Variants in MAPRE3 observed in about 807,000 individuals in gnomAD.
The protein encoded by MAPRE3 is microtubule-associated protein RP/EB family member 3.
In MAPRE3, 2 loss-of-function variants were observed where a neutral mutation model predicts 30.5. That is an observed-to-expected ratio of 0.07 (90% CI 0.03 to 0.21). The LOEUF (loss-of-function observed/expected upper bound fraction) is 0.21, where lower values mean the gene tolerates loss of function less well. Ranked by LOEUF, MAPRE3 falls within the 10% of genes least tolerant of loss-of-function variation. The pLI is 1.00. For synonymous variants in MAPRE3, 110 were observed against 127.7 expected (o/e 0.86, Z 0.93); for missense variants, 204 against 351.8 (o/e 0.58, Z 3.36).
At chr2:27,023,613 G>A in intron 3 of MAPRE3, 136 bp downstream of exon 3, 1 of 1,049,504 alleles carries the variant, frequency 9.5e-7, no homozygotes, top group Non-Finnish European at 1.4e-6. Context: ...ACTCTCCAGA[G>A]GGAATTTTCC....
chr2:26,971,326 C>G (rs1354397999), intron 1 of MAPRE3, among the ~76,000 whole-genome samples: 2 of 152,250 alleles, frequency 1.3e-5, no homozygotes, highest in Non-Finnish European at 2.9e-5. Context: ...TCCTGCCTGG[C>G]TGGTTTGGGG....
intron 1 of MAPRE3, among the ~76,000 whole-genome samples, chr2:27,007,496 T>C (rs1377975123): frequency 1.3e-5 from 2 of 152,240 alleles, no homozygotes; most frequent in Non-Finnish European, 2.9e-5. Flanking sequence ...GAACTTTATT[T>C]TGACAATATT....
Position 26,986,796 on chromosome 2 carries a change from ACAG to A in MAPRE3, c.-8+15998_-8+16000del, listed in dbSNP as rs1293408627. The stretch of plus-strand genomic sequence containing the variant: ...CTGGAGAAGATCCAGAGGATGAATC[ACAG>A]CAGTAGACATGGTATGGGGATTAGA... On this transcript the variant is annotated intron_variant, in intron 1 of 6. Transcript: ENST00000233121. The surrounding 1 kb of genome is among the most constrained non-coding windows in gnomAD (Gnocchi z 4.2). The A allele has an allele frequency of 1.3e-5, 2 of 152,288 alleles. No homozygotes were observed. Among genetic ancestry groups the A allele is most frequent in the African/African-American group, 4.8e-5 (2 of 41,446 alleles). The allele number at this position is 152,288 out of a possible 1,614,324, so 9.4% of individuals were successfully genotyped here. A position where few individuals can be genotyped will look rare whatever the true frequency, so the allele number is the denominator to read the frequency against.
intron 1 of MAPRE3, among the ~76,000 whole-genome samples, chr2:27,005,461 C>T (rs1666704384): frequency 6.6e-6 from 1 of 152,218 alleles, no homozygotes; most frequent in Admixed American, 6.5e-5. Context: ...ACCTCTCTCA[C>T]ATCTCATAGT....
intron 1 of MAPRE3, among the ~76,000 whole-genome samples, chr2:26,991,605 T>TCCACATTCATTTTATAGAGCC (rs2148205840): frequency 6.6e-6 from 1 of 152,334 alleles, no homozygotes; most frequent in South Asian, 2.1e-4. Context: ...ACAATAGAAT[T>TCCACATTCATTTTATAGAGCC]CCACATTCAT....
At chr2:26,983,766 T>C (rs1003629914) in intron 1 of MAPRE3, among the ~76,000 whole-genome samples, 1 of 152,226 alleles carries the variant, frequency 6.6e-6, no homozygotes, top group African/African-American at 2.4e-5. Context: ...AAAGATCTTA[T>C]ATATTCCTTT....
chr2:27,016,080 T>G (rs1187022780), intron 1 of MAPRE3, among the ~76,000 whole-genome samples: 3 of 152,204 alleles, frequency 2.0e-5, no homozygotes, highest in Admixed American at 2.0e-4. Flanking sequence ...CCATTCCTGA[T>G]AGCAGGAGTC....
At chr2:27,003,298 A>G (rs1666644823) in intron 1 of MAPRE3, among the ~76,000 whole-genome samples, 1 of 152,174 alleles carries the variant, frequency 6.6e-6, no homozygotes, top group African/African-American at 2.4e-5. Flanking sequence ...CAAATGAGCA[A>G]TGAATCCAAA....
At chr2:26,996,762 A>C (rs1416577409) in intron 1 of MAPRE3, 1 of 152,220 alleles carries the variant, frequency 6.6e-6, no homozygotes, top group African/African-American at 2.4e-5. Context: ...GGCCAAGATC[A>C]CACCTCTGCA....
At chr2:27,009,006 G>C (rs1666791817) in intron 1 of MAPRE3, among the ~76,000 whole-genome samples, 1 of 147,806 alleles carries the variant, frequency 6.8e-6, no homozygotes, top group Non-Finnish European at 1.5e-5. Context: ...CAAAATTATA[G>C]AGTAATGGGG....
At chr2:27,003,460 C>T (rs554796063) in intron 1 of MAPRE3, among the ~76,000 whole-genome samples, 1 of 152,312 alleles carries the variant, frequency 6.6e-6, no homozygotes, top group African/African-American at 2.4e-5. Context: ...TTACCCTGAT[C>T]TCTTGAGAGG....
chr2:27,010,786 T>C (rs1160629521), intron 1 of MAPRE3, among the ~76,000 whole-genome samples: 2 of 152,130 alleles, frequency 1.3e-5, no homozygotes, highest in African/African-American at 4.8e-5. Context: ...AGAACCAAAA[T>C]GCTCTCCACC....
rs1305714888 is a variant in MAPRE3, at chr2:26,985,590, C to T, written c.-8+14788C>T. ...CTAGGAAGTCCCAGTGAGAGGAGAC[C>T]TAATCAGCCAGGTATTCATTTCTTA... On this transcript the variant is annotated intron_variant, in intron 1 of 6. Coordinates refer to ENST00000233121, the MANE Select transcript of MAPRE3 (RefSeq NM_012326.4). This position sits in a 1 kb window ranked among gnomAD's most constrained non-coding sequence, Gnocchi z 4.2. Among the ~76,000 whole-genome samples the T allele has an allele frequency of 6.6e-6, 1 of 152,174 alleles. No individual in the cohort carries two copies. Among genetic ancestry groups the T allele is most frequent in the African/African-American group, 2.4e-5 (1 of 41,444 alleles).
chr2:27,016,035 A>C (rs899370239), intron 1 of MAPRE3, among the ~76,000 whole-genome samples: 1 of 152,240 alleles, frequency 6.6e-6, no homozygotes, highest in Admixed American at 6.5e-5. Flanking sequence ...CAAAATCACC[A>C]GATTAAACCT....
At position 26,983,002 on chromosome 2, in the gene MAPRE3, A is replaced by G. The variant is rs6727620; in HGVS notation, c.-8+12200A>G. Among the ~76,000 whole-genome samples, 479 of 152,298 alleles carry G rather than the reference A, an allele frequency of 3.1e-3. 6 individuals carry two copies. The highest frequency in any genetic ancestry group is 0.011 in the African/African-American group (445 of 41,570). On this transcript the variant is annotated intron_variant, in intron 1 of 6. Transcript: ENST00000233121. ...AGAGACTCTCAAGATTTGGAGTAGC[A>G]TTGAAAATTAGGAAGGCCCAACCCA... is the stretch of plus-strand genomic sequence containing the variant.
intron 1 of MAPRE3, chr2:26,997,049 G>C (rs1265228516): frequency 2.0e-5 from 3 of 152,050 alleles, no homozygotes; most frequent in Admixed American, 6.5e-5. Flanking sequence ...TAAAATACAT[G>C]ATATGTGATC....
intron 4 of MAPRE3, among the ~76,000 whole-genome samples, chr2:27,025,202 C>T (rs1305075915): frequency 6.6e-6 from 1 of 152,202 alleles, no homozygotes; most frequent in Non-Finnish European, 1.5e-5. Context: ...TTAGGAAAGA[C>T]CCTGTGCCAG....
chr2:26,989,742 T>C (rs1277337911), intron 1 of MAPRE3, among the ~76,000 whole-genome samples: 3 of 152,180 alleles, frequency 2.0e-5, no homozygotes, highest in African/African-American at 7.2e-5. Flanking sequence ...TTCGTTTGCC[T>C]TGCTTGTCTT....
rs1667153557 is a variant in MAPRE3 at position 27,023,411 on chromosome 2, A to G, written c.201A>G (p.Leu67=). Residue 67 remains leucine, a synonymous_variant, in exon 3 of 7, where the codon CTA becomes CTG. Coordinates refer to ENST00000233121, the MANE Select transcript of MAPRE3 (RefSeq NM_012326.4). The stretch of plus-strand genomic sequence containing the variant: ...GGAAAGTGAAGTTCCAGGCCAAACT[A>G]GAGCACGAATACATCCACAACTTCA... ...HLRKVKFQAK[L]EHEYIHNFKV... 2 of 1,614,172 alleles carry G rather than the reference A, an allele frequency of 1.2e-6. No homozygotes were observed. The highest frequency in any genetic ancestry group is 1.7e-6 in the Non-Finnish European group (2 of 1,180,006).
Sources: allele counts gnomAD v4.1 joint callset (sites outside exome capture counted in the v4.1 genomes callset), GRCh38; gene constraint gnomAD v4.1.1; non-coding constraint Gnocchi (gnomAD v3.1); transcripts MANE v1.5; gene names NCBI Gene and HGNC (gene_info 2026-07-23, HGNC 2026-07-21).